TENM1: variants seen among roughly 807,000 people sequenced by gnomAD.
The protein encoded by TENM1 is teneurin transmembrane protein 1, also known as teneurin-1.
A neutral mutation model predicts 174.8 loss-of-function variants in TENM1; 35 were observed. The observed-to-expected ratio is 0.20, with a 90% CI of 0.15 to 0.27. The LOEUF (loss-of-function observed/expected upper bound fraction) is 0.27, where lower values mean the gene tolerates loss of function less well. TENM1 is among the 10% of genes least tolerant of loss of function. The probability of loss-of-function intolerance (pLI) is 1.00; values close to 1 mark genes in which losing one functional copy is unlikely to be tolerated. For missense variants in TENM1, 1,633 were observed against 2,130.1 expected (o/e 0.77, Z 4.59); for synonymous variants, 781 against 798.7 (o/e 0.98, Z 0.37).
the TENM1 span, among the ~76,000 whole-genome samples, chrX:125,125,795 T>A: frequency 1.8e-5 from 2 of 112,009 alleles, no homozygotes; most frequent in African/African-American, 6.5e-5. Flanking sequence ...TGGTATAGAA[T>A]CAATACATCA....
intron 3 of TENM1, among the ~76,000 whole-genome samples, chrX:124,790,749 G>A (rs779931328): frequency 9.0e-6 from 1 of 111,235 alleles, no homozygotes; most frequent in Admixed American, 9.6e-5. Context: ...CAAAAATATG[G>A]GAGTAGCATT....
chrX:124,868,056 C>T (rs995826215), intron 3 of TENM1, among the ~76,000 whole-genome samples: 1 of 111,711 alleles, frequency 9.0e-6, no homozygotes, highest in African/African-American at 3.3e-5. Flanking sequence ...ACCATACTAT[C>T]CAAAGCAATC....
At chrX:124,614,532 G>A (rs186568840) in intron 11 of TENM1, among the ~76,000 whole-genome samples, 2 of 112,097 alleles carry the variant, frequency 1.8e-5, no homozygotes, top group Non-Finnish European at 3.8e-5. Context: ...AGGAGGAGAG[G>A]AGCCAGGGTT....
intron 3 of TENM1, among the ~76,000 whole-genome samples, chrX:124,873,378 A>T (rs1816708192): frequency 8.9e-6 from 1 of 111,849 alleles, no homozygotes; most frequent in South Asian, 3.7e-4. Flanking sequence ...ATTAAAAATC[A>T]CACATAAAGT....
At chrX:125,101,038 C>T in the TENM1 span, among the ~76,000 whole-genome samples, 1 of 111,191 alleles carries the variant, frequency 9.0e-6, no homozygotes, top group African/African-American at 3.3e-5. Flanking sequence ...ATTCTCAATC[C>T]CTCATCTTTA....
intron 27 of TENM1, 143 bp from the exon 31 acceptor site, chrX:124,392,491 T>C: frequency 2.1e-6 from 1 of 469,503 alleles, no homozygotes; most frequent in Non-Finnish European, 3.6e-6. Context: ...ATTCCACAGA[T>C]GCCACCTGTC....
chrX:124,881,331 A>T (rs2057297828), intron 3 of TENM1, among the ~76,000 whole-genome samples: 1 of 111,670 alleles, frequency 9.0e-6, no homozygotes, highest in South Asian at 3.7e-4. Flanking sequence ...TGTTCATGAC[A>T]GTCTCTGATG....
intron 11 of TENM1, 22 bp from the exon 15 acceptor site, chrX:124,565,582 C>A: frequency 9.5e-7 from 1 of 1,054,240 alleles, no homozygotes; most frequent in East Asian, 3.4e-5. Context: ...TCAAAGAAGA[C>A]ATATTAACAT....
At chrX:124,697,488 C>T (rs937455816) in intron 5 of TENM1, among the ~76,000 whole-genome samples, 1 of 110,579 alleles carries the variant, frequency 9.0e-6, no homozygotes, top group Non-Finnish European at 1.9e-5. Context: ...GTAAGTCTAC[C>T]CAGGAAAGAC....
chrX:124,553,298 G>A (rs898758110), intron 14 of TENM1, among the ~76,000 whole-genome samples: 15 of 109,102 alleles, frequency 1.4e-4, no homozygotes, highest in Non-Finnish European at 2.3e-4. Context: ...TCAGGAGTTC[G>A]AGACCAGCCT....
At chrX:124,439,824 C>T (rs764845785) in intron 23 of TENM1, among the ~76,000 whole-genome samples, 3 of 110,928 alleles carry the variant, frequency 2.7e-5, no homozygotes, top group African/African-American at 6.5e-5. Flanking sequence ...ATCTATTGAA[C>T]GCTTATGAGC....
At chrX:124,753,337 T>C (rs2054133445) in intron 3 of TENM1, among the ~76,000 whole-genome samples, 1 of 107,575 alleles carries the variant, frequency 9.3e-6, no homozygotes, top group Non-Finnish European at 1.9e-5. Flanking sequence ...TACATTGATT[T>C]TGTATCCTGA....
chrX:125,012,602 A>G, the TENM1 span, among the ~76,000 whole-genome samples: 2 of 111,945 alleles, frequency 1.8e-5, no homozygotes, highest in Non-Finnish European at 3.8e-5. Flanking sequence ...CATTTAATAT[A>G]TACCTTAATA....
intron 22 of TENM1, among the ~76,000 whole-genome samples, chrX:124,462,442 G>C (rs1255707872): frequency 1.0e-5 from 1 of 100,186 alleles, no homozygotes; most frequent in African/African-American, 3.8e-5. Context: ...GGGGGGGGTG[G>C]GGGTGGGGGG....
At position 124,385,695 on chromosome X, in the gene TENM1, T is replaced by C. The variant is rs181235291; in HGVS notation, c.6058A>G (p.Ile2020Val). The change falls in exon 29 of 32, where the codon ATC (isoleucine) becomes GTC (valine). Residue 2020 changes from isoleucine (I) to valine (V), a missense_variant. Physicochemically the swap from Ile to Val is conservative, Grantham distance 29. Around this residue, in one of 4 missense-constraint regions of TENM1, gnomAD observed 807 missense variants for 1,125.3 expected, o/e 0.72. Coordinates refer to ENST00000422452, the Ensembl canonical transcript of TENM1. ...AACAAACCTGTTTGCCTGTATCTGA[T>C]TGTGCAGATGAATCCGTCATGCATC... 24 of 1,195,225 alleles carry C rather than the reference T, an allele frequency of 2.0e-5. No homozygotes were observed. The East Asian group carries it at 5.7e-4, about 28-fold the overall frequency.
chrX:125,009,098 T>G, the TENM1 span, among the ~76,000 whole-genome samples: 40 of 48,664 alleles, frequency 8.2e-4, no homozygotes, highest in Non-Finnish European at 1.1e-3. Flanking sequence ...CCAGGAGCTG[T>G]TTTTTTTTTT....
the TENM1 span, among the ~76,000 whole-genome samples, chrX:125,030,627 G>A: frequency 8.9e-6 from 1 of 111,840 alleles, no homozygotes. Flanking sequence ...CAGTTTTTCT[G>A]CTTAATGTTA....
intron 15 of TENM1, 94 bp from the exon 19 acceptor site, chrX:124,530,077 C>A: frequency 2.1e-6 from 2 of 972,443 alleles, no homozygotes; most frequent in Non-Finnish European, 2.8e-6. Flanking sequence ...TCAAGTATAA[C>A]AAAGAAAACA....
chrX:124,395,060 ATTACT>A (rs2060319543), intron 27 of TENM1, among the ~76,000 whole-genome samples: 1 of 111,669 alleles, frequency 9.0e-6, no homozygotes, highest in Admixed American at 9.5e-5. Flanking sequence ...AACCTGAGAG[ATTACT>A]TTATAGTGCA....
Sources: gnomAD v4.1 joint callset for allele counts (sites outside exome capture counted in the v4.1 genomes callset) on GRCh38, gnomAD v4.1.1 for gene constraint, gnomAD v4.1.1 regional missense constraint, MANE v1.5 for transcripts, NCBI Gene and HGNC (gene_info 2026-07-23, HGNC 2026-07-21) for gene names.